Variants in METTL14 observed in about 807,000 individuals in gnomAD.
The protein encoded by METTL14 is N(6)-adenosine-methyltransferase non-catalytic subunit METTL14.
Under a neutral mutation model 62.4 loss-of-function variants are expected in METTL14, and 32 were observed. The observed-to-expected ratio is 0.51, with a 90% CI of 0.39 to 0.69. The LOEUF is 0.69. Among genes scored for constraint, METTL14 ranks in the 30% least tolerant of loss-of-function variants. The pLI, the probability that METTL14 is intolerant of heterozygous loss-of-function variation, is 0.00. For missense variants in METTL14, 340 were observed against 551.9 expected (o/e 0.62, Z 3.85); for synonymous variants, 150 against 180.0 (o/e 0.83, Z 1.34).
rs768830648 is a variant in METTL14 at position 118,697,230 on chromosome 4, C to G, written c.552C>G (p.Pro184=). The G allele has an allele frequency of 4.3e-6, 7 of 1,611,514 alleles. No individual in the cohort carries two copies. Among genetic ancestry groups the G allele is most frequent in the South Asian group, 1.1e-5 (1 of 90,726 alleles). ...CCTTTGACATCAGAGAACTAACACC[C>G]AAATTTGATGTGATTCTTCTGGAAC... ...IEAFDIRELT[P]KFDVILLEPP... The change falls in exon 7 of 11, where the codon CCC becomes CCG. Residue 184 remains proline, a synonymous_variant. Coordinates refer to ENST00000388822, the MANE Select transcript of METTL14 (RefSeq NM_020961.4).
chr4:118,689,298 TTTA>T (rs1425698885), intron 2 of METTL14, 69 bp from the exon 3 acceptor site: 14 of 749,492 alleles, frequency 1.9e-5, no homozygotes, highest in African/African-American at 7.3e-5. Context: ...TTATAACCTG[TTTA>T]TTATTATTAA....
chr4:118,706,643 G>A (rs546592467), intron 10 of METTL14, among the ~76,000 whole-genome samples: 1 of 152,280 alleles, frequency 6.6e-6, no homozygotes, highest in South Asian at 2.1e-4. Flanking sequence ...GTTTAATTTT[G>A]TAGGAAACTG....
At chr4:118,701,793 A>G (rs1037595834) in intron 8 of METTL14, among the ~76,000 whole-genome samples, 3 of 152,236 alleles carry the variant, frequency 2.0e-5, no homozygotes, top group African/African-American at 7.2e-5. Flanking sequence ...TATATGAGAT[A>G]ATAAGTATGA....
At chr4:118,704,330 C>T (rs1048787435) in intron 9 of METTL14, among the ~76,000 whole-genome samples, 8 of 152,134 alleles carry the variant, frequency 5.3e-5, no homozygotes, top group East Asian at 1.9e-4. Flanking sequence ...CACACTCACC[C>T]GCAGAATTTT....
chr4:118,704,160 G>A, intron 9 of METTL14, 109 bp downstream of exon 9: 2 of 651,844 alleles, frequency 3.1e-6, no homozygotes, highest in Non-Finnish European at 5.3e-6. Context: ...CCTTTTCTTA[G>A]ACTTGTAAAG....
chr4:118,705,570 G>C, intron 9 of METTL14, 41 bp from the exon 10 acceptor site: 1 of 1,505,064 alleles, frequency 6.6e-7, no homozygotes, highest in Non-Finnish European at 9.2e-7. Context: ...TGGAATGACT[G>C]TTGATGAAAA....
chr4:118,709,967 A>T, intron 10 of METTL14, 31 bp from the exon 11 acceptor site: 1 of 1,554,896 alleles, frequency 6.4e-7, no homozygotes, highest in South Asian at 1.2e-5. Flanking sequence ...ATTGCAAATA[A>T]AAAGTATAAT....
intron 8 of METTL14, 116 bp from the exon 9 acceptor site, chr4:118,703,819 C>T: frequency 1.8e-6 from 1 of 570,174 alleles, no homozygotes; most frequent in Non-Finnish European, 3.0e-6. Flanking sequence ...ACCTTGAAAC[C>T]TTGGAATATA....
At chr4:118,705,229 C>A (rs1724718672) in intron 9 of METTL14, among the ~76,000 whole-genome samples, 1 of 152,170 alleles carries the variant, frequency 6.6e-6, no homozygotes, top group Non-Finnish European at 1.5e-5. Context: ...AATCCCAGCA[C>A]TTTGGGAGGC....
chr4:118,709,609 A>G (rs1209376639), intron 10 of METTL14, among the ~76,000 whole-genome samples: 1 of 152,214 alleles, frequency 6.6e-6, no homozygotes, highest in Non-Finnish European at 1.5e-5. Context: ...TAGCAAGTGT[A>G]GAGCAAAAGT....
intron 6 of METTL14, among the ~76,000 whole-genome samples, chr4:118,695,831 G>A (rs1724391673): frequency 6.6e-6 from 1 of 151,978 alleles, no homozygotes; most frequent in African/African-American, 2.4e-5. Context: ...TGTATTTTGG[G>A]CCGGGTGCGG....
At position 118,714,261 on chromosome 4, in the gene METTL14, T is replaced by C. The variant is rs1579081222; in HGVS notation, c.*3959T>C. 6.6e-6 allele frequency: 1 copy of C among 152,246 alleles called. No homozygotes were observed. Among genetic ancestry groups the C allele is most frequent in the South Asian group, 2.1e-4 (1 of 4,834 alleles). The allele number at this position is 152,246 out of a possible 1,614,324, so 9.4% of individuals were successfully genotyped here. ...CATCTATCTGTGCTTTTTCTCACTTTGATGAGTTCTCTCAACTCCTTTCTA... is the reference window on the plus strand; with the variant it reads ...CATCTATCTGTGCTTTTTCTCACTTCGATGAGTTCTCTCAACTCCTTTCTA... On this transcript the variant is annotated 3_prime_UTR_variant, in exon 11 of 11. Coordinates refer to ENST00000388822, the MANE Select transcript of METTL14 (RefSeq NM_020961.4).
chr4:118,702,707 C>T lies in METTL14; in HGVS notation c.739-1228C>T, dbSNP rs185704803. ...ATGAGAATCACTTGAACCTGAGAGG[C>T]GGAGGTTGCAGTGAGCCAAGATTAC... On this transcript the variant is annotated intron_variant, in intron 8 of 10. Transcript: ENST00000388822. Among the ~76,000 whole-genome samples, 15 of 152,004 alleles carry T rather than the reference C, an allele frequency of 9.9e-5. No individual in the cohort carries two copies. In the South Asian group the frequency reaches 2.5e-3, roughly 25 times the overall value.
intron 1 of METTL14, 65 bp downstream of exon 1, chr4:118,685,665 T>A: frequency 7.2e-7 from 1 of 1,387,300 alleles, no homozygotes; most frequent in Non-Finnish European, 1.0e-6. Context: ...GCCTCCTCCC[T>A]CCACACCCCG....
chr4:118,685,395 T>C lies in METTL14; in HGVS notation c.-140T>C, dbSNP rs1350008376. ...GAGCCAATTCCGGCCGCGCCGGAAG[T>C]CTCTACTGAGGAAAGCTATGAGGAT... On this transcript the variant is annotated 5_prime_UTR_variant, in exon 1 of 11. Transcript: ENST00000388822. 6 of 833,550 alleles carry C rather than the reference T, an allele frequency of 7.2e-6. No homozygotes were observed. The East Asian group carries it at 1.6e-4, about 22-fold the overall frequency. The allele number at this position is 833,550 out of a possible 1,614,324, so 51.6% of individuals were successfully genotyped here.
In METTL14 at chr4:118,712,666, A is replaced by G. The variant is rs1724957518; in HGVS notation, c.*2364A>G. The G allele has an allele frequency of 6.6e-6, 1 of 152,060 alleles. No homozygotes were observed. Among genetic ancestry groups the G allele is most frequent in the African/African-American group, 2.4e-5 (1 of 41,420 alleles). 9.4% of individuals were successfully genotyped at this position (152,060 alleles called of 1,614,324 possible). A position where few individuals can be genotyped will look rare whatever the true frequency, so the allele number is the denominator to read the frequency against. ...ATAGAAATAAATTTTTAGTTGCTTT[A>G]TGCACTAATTCCTTACTGGGGATAG... On this transcript the variant is annotated 3_prime_UTR_variant, in exon 11 of 11. Transcript: ENST00000388822.
At chr4:118,686,698 A>C (rs1202386355) in intron 1 of METTL14, 1 of 453,800 alleles carries the variant, frequency 2.2e-6, no homozygotes, top group Non-Finnish European at 4.4e-6. Context: ...ATCTTCAAAA[A>C]TGTTAAGTAG....
chr4:118,705,883 A>G, intron 10 of METTL14, 62 bp downstream of exon 10: 1 of 1,250,780 alleles, frequency 8.0e-7, no homozygotes, highest in Admixed American at 1.8e-5. Context: ...AAGAAATAGG[A>G]CATGGTGCTG....
In METTL14 at chr4:118,714,867, G is replaced by T. The variant is rs948632727; in HGVS notation, c.*4565G>T. The T allele has an allele frequency of 4.6e-5, 7 of 152,348 alleles. No individual in the cohort carries two copies. Among genetic ancestry groups the T allele is most frequent in the African/African-American group, 1.7e-4 (7 of 41,584 alleles). The allele number at this position is 152,348 out of a possible 1,614,324, so 9.4% of individuals were successfully genotyped here. A position where few individuals can be genotyped will look rare whatever the true frequency, so the allele number is the denominator to read the frequency against. On this transcript the variant is annotated 3_prime_UTR_variant, in exon 11 of 11. Coordinates refer to ENST00000388822, the MANE Select transcript of METTL14 (RefSeq NM_020961.4). ...CTCCCAAAGTGTCAGGATTACAGGC[G>T]TGAGCCTCTGCAACTGGCCAACATG...
Sources: gnomAD v4.1 joint callset for allele counts (sites outside exome capture counted in the v4.1 genomes callset) on GRCh38, gnomAD v4.1.1 for gene constraint, MANE v1.5 for transcripts, NCBI Gene and HGNC (gene_info 2026-07-23, HGNC 2026-07-21) for gene names.